Variants in CYFIP2 observed in about 807,000 individuals in gnomAD.
CYFIP2 encodes the protein cytoplasmic FMR1-interacting protein 2.
Under a neutral mutation model 158.7 loss-of-function variants are expected in CYFIP2, and 29 were observed. The ratio of observed to expected loss-of-function variants is 0.18; its 90% CI spans 0.14 to 0.25. CYFIP2 has a LOEUF of 0.25. Among genes scored for constraint, CYFIP2 ranks in the 10% least tolerant of loss-of-function variants. The pLI is 1.00. For missense variants in CYFIP2, 852 were observed against 1,639.5 expected (o/e 0.52, Z 8.29); for synonymous variants, 585 against 617.6 (o/e 0.95, Z 0.78).
Position 157,311,577 on chromosome 5 carries a change from T to G in CYFIP2, c.993-87T>G, listed in dbSNP as rs1337460244. On this transcript the variant is annotated intron_variant, in intron 10 of 30. Coordinates refer to ENST00000620254, the MANE Select transcript of CYFIP2 (RefSeq NM_001037333.3). The surrounding 1 kb of genome is among the most constrained non-coding windows in gnomAD (Gnocchi z 4.7). ...GTGTCACCCAGGGGAGTTGGCCACG[T>G]GGGCTGAGCACCAGGAGCAGCTAAT... is the stretch of plus-strand genomic sequence containing the variant. 1 of 1,249,618 alleles carries G rather than the reference T, an allele frequency of 8.0e-7. No individual in the cohort carries two copies. The highest frequency in any genetic ancestry group is 1.1e-6 in the Non-Finnish European group (1 of 892,412). The allele number at this position is 1,249,618 out of a possible 1,614,324, so 77.4% of individuals were successfully genotyped here.
At chr5:157,355,203 G>A (rs902118959) in intron 23 of CYFIP2, among the ~76,000 whole-genome samples, 2 of 152,078 alleles carry the variant, frequency 1.3e-5, no homozygotes, top group African/African-American at 4.8e-5. Flanking sequence ...TCTCACCTCT[G>A]TCCTATCACT....
intron 15 of CYFIP2, chr5:157,322,839 A>C: frequency 1.6e-6 from 2 of 1,239,746 alleles, no homozygotes; most frequent in Non-Finnish European, 2.3e-6. Flanking sequence ...ACCGTATACA[A>C]TACCTCTTGC....
At position 157,388,382 on chromosome 5, in the gene CYFIP2, A is replaced by G. The variant is rs577036197; in HGVS notation, c.3208-807A>G. On this transcript the variant is annotated intron_variant, in intron 28 of 30. Coordinates refer to ENST00000620254, the MANE Select transcript of CYFIP2 (RefSeq NM_001037333.3). ...TTGTAACTGTCAAAGAAGCACTTCTAGAGGAAATAATTATCTGAAATCATG... is the reference window on the plus strand; with the variant it reads ...TTGTAACTGTCAAAGAAGCACTTCTGGAGGAAATAATTATCTGAAATCATG... 3.6e-4 allele frequency among the ~76,000 whole-genome samples: 55 copies of G among 152,342 alleles called. 1 individual carries two copies. The East Asian group carries it at 0.01, about 28-fold the overall frequency.
intron 28 of CYFIP2, among the ~76,000 whole-genome samples, chr5:157,388,641 G>A (rs1357285102): frequency 6.6e-6 from 1 of 152,194 alleles, no homozygotes; most frequent in Non-Finnish European, 1.5e-5. Context: ...TCTGCAATTT[G>A]TTCTATTTAC....
At chr5:157,363,757 T>A (rs775195336) in intron 26 of CYFIP2, 4 of 152,242 alleles carry the variant, frequency 2.6e-5, no homozygotes, top group Non-Finnish European at 5.9e-5. Flanking sequence ...TCTTACAGTC[T>A]AGAGCCCATC....
intron 26 of CYFIP2, among the ~76,000 whole-genome samples, chr5:157,381,773 C>T (rs1456836497): frequency 6.6e-6 from 1 of 151,640 alleles, no homozygotes; most frequent in Admixed American, 6.8e-5. Context: ...AGGACACCTG[C>T]AATCTTGATT....
At chr5:157,304,563 C>G (rs1222173986) in intron 8 of CYFIP2, 197 bp downstream of exon 8, 1 of 529,336 alleles carries the variant, frequency 1.9e-6, no homozygotes, top group African/African-American at 1.9e-5. Flanking sequence ...GTCATTAAGG[C>G]TATTTCTACA....
In CYFIP2 at chr5:157,282,771, T is replaced by A. The variant is rs547129972; in HGVS notation, c.-23-2568T>A. Among the ~76,000 whole-genome samples the A allele has an allele frequency of 2.0e-5, 3 of 152,342 alleles. No individual in the cohort carries two copies. The South Asian group carries it at 6.2e-4, about 32-fold the overall frequency. ...ATAGTCTTGCCAACAGCATGTGTAG[T>A]CAAACTTTTGGATTTGAGTCGATCT... On this transcript the variant is annotated intron_variant, in intron 1 of 30. Coordinates refer to ENST00000620254, the MANE Select transcript of CYFIP2 (RefSeq NM_001037333.3).
intron 26 of CYFIP2, chr5:157,364,582 A>G (rs931275797): frequency 1.3e-5 from 2 of 152,270 alleles, no homozygotes; most frequent in African/African-American, 4.8e-5. Context: ...ACAGGTTTCC[A>G]ATATTGATCC....
rs147043517 is a variant in CYFIP2 at position 157,311,047 on chromosome 5, G to A, written c.993-617G>A. ...TTTTCACAAGGCGTGGAAAAAAGGC[G>A]GAGGGAAGGAGGAAAGAGGGTGGAA... On this transcript the variant is annotated intron_variant, in intron 10 of 30. Coordinates refer to ENST00000620254, the MANE Select transcript of CYFIP2 (RefSeq NM_001037333.3). This position sits in a 1 kb window ranked among gnomAD's most constrained non-coding sequence, Gnocchi z 4.7. The A allele has an allele frequency of 1.1e-3, 483 of 455,322 alleles. 1 individual carries two copies. Among genetic ancestry groups the A allele is most frequent in the Admixed American group, 3.1e-3 (133 of 42,498 alleles). The allele number at this position is 455,322 out of a possible 1,614,324, so 28.2% of individuals were successfully genotyped here.
In CYFIP2 at chr5:157,311,660, C is replaced by A. The variant is rs1759738874; in HGVS notation, c.993-4C>A. On this transcript the variant is annotated splice_polypyrimidine_tract_variant and splice_region_variant and intron_variant, in intron 10 of 30. Coordinates refer to ENST00000620254, the MANE Select transcript of CYFIP2 (RefSeq NM_001037333.3). The surrounding 1 kb of genome is among the most constrained non-coding windows in gnomAD (Gnocchi z 4.7). ...CCTCTCCGACCCCATAATTTTCTAC[C>A]CAGGTGGACGTGCACCCAGAGCAGC... 6 of 1,600,996 alleles carry A rather than the reference C, an allele frequency of 3.7e-6. No individual in the cohort carries two copies. The highest frequency in any genetic ancestry group is 1.3e-5 in the African/African-American group (1 of 74,626).
chr5:157,384,250 A>G (rs1315137141), intron 28 of CYFIP2: 1 of 456,506 alleles, frequency 2.2e-6, no homozygotes, highest in African/African-American at 2.0e-5. Context: ...GCAGGAAGGA[A>G]GAGAAATAGG....
chr5:157,293,942 C>G (rs1417464065), intron 3 of CYFIP2, among the ~76,000 whole-genome samples: 1 of 152,132 alleles, frequency 6.6e-6, no homozygotes, highest in African/African-American at 2.4e-5. Context: ...GAGGCTGCAT[C>G]TGGGTGGGGG....
At chr5:157,347,096 C>G (rs1466863638) in intron 23 of CYFIP2, among the ~76,000 whole-genome samples, 3 of 152,174 alleles carry the variant, frequency 2.0e-5, no homozygotes, top group Admixed American at 6.5e-5. Flanking sequence ...CAGCTTTTCT[C>G]TTCTTGGTTC....
chr5:157,289,975 G>T (rs762086855), intron 3 of CYFIP2, among the ~76,000 whole-genome samples: 4 of 152,148 alleles, frequency 2.6e-5, no homozygotes, highest in Non-Finnish European at 5.9e-5. Flanking sequence ...TACACTGCAG[G>T]CATTCAAGGC....
Position 157,311,532 on chromosome 5 carries a change from G to A in CYFIP2, c.993-132G>A, listed in dbSNP as rs2289852. On this transcript the variant is annotated intron_variant, in intron 10 of 30. Coordinates refer to ENST00000620254, the MANE Select transcript of CYFIP2 (RefSeq NM_001037333.3). The surrounding 1 kb of genome is among the most constrained non-coding windows in gnomAD (Gnocchi z 4.7). ...TGGACTTAGCAGGCTTTCTTGCTGA[G>A]GCGGCTGGGATACCATTTGGTGTCA... 0.092 allele frequency: 64,220 copies of A among 701,802 alleles called. 4,603 individuals carry two copies. Among genetic ancestry groups the A allele is most frequent in the East Asian group, 0.23 (8,494 of 36,588 alleles). The allele number at this position is 701,802 out of a possible 1,614,324, so 43.5% of individuals were successfully genotyped here. A position where few individuals can be genotyped will look rare whatever the true frequency, so the allele number is the denominator to read the frequency against.
Position 157,320,751 on chromosome 5 carries a change from T to C in CYFIP2, c.1620T>C (p.Gly540=). The change falls in exon 15 of 31, where the codon GGT becomes GGC. Residue 540 remains glycine (G), a synonymous_variant. Coordinates refer to ENST00000620254, the MANE Select transcript of CYFIP2 (RefSeq NM_001037333.3). ...PCLRGEKDPK[G]GFDIKVPRRA... ...TGAGAGGGGAGAAGGACCCCAAAGGTGGATTTGATATCAAGGTGCCCCGGC... is the reference window on the plus strand; with the variant it reads ...TGAGAGGGGAGAAGGACCCCAAAGGCGGATTTGATATCAAGGTGCCCCGGC... 1 of 1,611,978 alleles carries C rather than the reference T, an allele frequency of 6.2e-7. No individual in the cohort carries two copies. The highest frequency in any genetic ancestry group is 1.1e-5 in the South Asian group (1 of 90,862).
At chr5:157,353,599 A>G (rs1763218070) in intron 23 of CYFIP2, among the ~76,000 whole-genome samples, 1 of 152,210 alleles carries the variant, frequency 6.6e-6, no homozygotes, top group South Asian at 2.1e-4. Context: ...CTGAGAATTG[A>G]TCAGTCCTTG....
At chr5:157,342,441 C>A (rs1581101996) in intron 23 of CYFIP2, 1 of 158,278 alleles carries the variant, frequency 6.3e-6, no homozygotes, top group African/African-American at 2.4e-5. Flanking sequence ...TCCAAATAAT[C>A]CCCTCAAGGG....
Sources: gnomAD v4.1 joint callset for allele counts (sites outside exome capture counted in the v4.1 genomes callset) on GRCh38, gnomAD v4.1.1 for gene constraint, Gnocchi (gnomAD v3.1) non-coding constraint, MANE v1.5 for transcripts, NCBI Gene and HGNC (gene_info 2026-07-23, HGNC 2026-07-21) for gene names.